The following ADARB2 variants were observed in gnomAD, a reference collection of about 807,000 sequenced individuals.
ADARB2 encodes inactive double-stranded RNA-specific editase B2.
Under a neutral mutation model 62.2 loss-of-function variants are expected in ADARB2, and 25 were observed. The observed-to-expected ratio is 0.40, with a 90% CI of 0.29 to 0.56. ADARB2 has a LOEUF of 0.56. Among genes scored for constraint, ADARB2 ranks in the 20% least tolerant of loss-of-function variants. ADARB2 has a pLI of 0.43. For synonymous variants in ADARB2, 572 were observed against 500.8 expected (o/e 1.14, Z -1.90); for missense variants, 1,071 against 1,077.4 (o/e 0.99, Z 0.08).
At position 1,216,296 on chromosome 10, in the gene ADARB2, G is replaced by A. The variant is rs569442645; in HGVS notation, c.1682+655C>T. The A allele has an allele frequency of 3.6e-4, 54 of 151,074 alleles. No homozygotes were observed. The East Asian group carries it at 9.2e-3, about 26-fold the overall frequency. 9.4% of individuals were successfully genotyped at this position (151,074 alleles called of 1,614,324 possible). On this transcript the variant is annotated intron_variant, in intron 7 of 9. Coordinates refer to ENST00000381312, the MANE Select transcript of ADARB2 (RefSeq NM_018702.4). The stretch of plus-strand genomic sequence containing the variant: ...CCAAGGTAGGGGGAGGTCTCAACGC[G>A]TCAGACCAAGGTTGGGGGAGGTCTT...
chr10:1,706,052 T>G (rs568233505), intron 1 of ADARB2, among the ~76,000 whole-genome samples: 71 of 152,356 alleles, frequency 4.7e-4, no homozygotes, highest in African/African-American at 1.7e-3. Flanking sequence ...AGCCATTAGC[T>G]GTGATTAGTG....
chr10:1,723,268 G>C (rs934425991), intron 1 of ADARB2, among the ~76,000 whole-genome samples: 2 of 152,188 alleles, frequency 1.3e-5, no homozygotes, highest in Non-Finnish European at 2.9e-5. Context: ...GCTCTACATT[G>C]CCCAGAGAAC....
chr10:1,213,968 C>T (rs1251945665), intron 7 of ADARB2, among the ~76,000 whole-genome samples: 1 of 136,774 alleles, frequency 7.3e-6, no homozygotes, highest in Non-Finnish European at 1.5e-5. Context: ...ACGTGTCCAG[C>T]ATCATGTAGG....
At chr10:1,570,302 CAT>C (rs1257669677) in intron 1 of ADARB2, among the ~76,000 whole-genome samples, 1 of 152,168 alleles carries the variant, frequency 6.6e-6, no homozygotes, top group African/African-American at 2.4e-5. Flanking sequence ...GTACTAAACA[CAT>C]GTGTTTGCTT....
At chr10:1,576,340 G>A (rs935809327) in intron 1 of ADARB2, among the ~76,000 whole-genome samples, 1 of 150,214 alleles carries the variant, frequency 6.7e-6, no homozygotes, top group Admixed American at 6.6e-5. Flanking sequence ...GTCACAGGAT[G>A]GGTCTCAGGG....
intron 8 of ADARB2, among the ~76,000 whole-genome samples, chr10:1,193,821 C>G (rs960129589): frequency 3.9e-5 from 6 of 152,140 alleles, no homozygotes; most frequent in African/African-American, 1.4e-4. Context: ...GATTTAGCTC[C>G]TTTGAAGTGA....
intron 8 of ADARB2, 53 bp from the exon 9 acceptor site, chr10:1,185,092 G>T: frequency 6.4e-7 from 1 of 1,569,292 alleles, no homozygotes; most frequent in South Asian, 1.2e-5. Context: ...CTCACACGGG[G>T]CTCCCCCAAG....
At chr10:1,629,447 C>A (rs1231332177) in intron 1 of ADARB2, among the ~76,000 whole-genome samples, 1 of 152,056 alleles carries the variant, frequency 6.6e-6, no homozygotes, top group Non-Finnish European at 1.5e-5. Context: ...GCTAAAGCCT[C>A]AGCGCTCAAG....
At position 1,630,472 on chromosome 10, in the gene ADARB2, C is replaced by G. The variant is rs76400329; in HGVS notation, c.100+106579G>C. Among the ~76,000 whole-genome samples the G allele has an allele frequency of 1.1e-3, 163 of 152,246 alleles. 2 individuals carry two copies. In the East Asian group the frequency reaches 0.024, roughly 23 times the overall value. On this transcript the variant is annotated intron_variant, in intron 1 of 9. Coordinates refer to ENST00000381312, the MANE Select transcript of ADARB2 (RefSeq NM_018702.4). ...CCCTGTGCCCTGGTTACAGTAAACTCTCTATCAGAAGCCACGAGTCATTTA... is the reference window on the plus strand; with the variant it reads ...CCCTGTGCCCTGGTTACAGTAAACTGTCTATCAGAAGCCACGAGTCATTTA...
intron 1 of ADARB2, among the ~76,000 whole-genome samples, chr10:1,545,404 T>C (rs906107806): frequency 3.3e-5 from 5 of 152,332 alleles, no homozygotes; most frequent in African/African-American, 1.2e-4. Context: ...CAGTAAACCA[T>C]AGATTCTCTG....
intron 2 of ADARB2, among the ~76,000 whole-genome samples, chr10:1,367,103 A>G (rs1832320271): frequency 6.6e-6 from 1 of 152,074 alleles, no homozygotes; most frequent in Non-Finnish European, 1.5e-5. Flanking sequence ...CATACATTTC[A>G]TAGGCACAAA....
rs143474213 is a variant in ADARB2 at position 1,444,439 on chromosome 10, C to T, written c.101-65279G>A. Among the ~76,000 whole-genome samples the T allele has an allele frequency of 2.5e-3, 384 of 151,404 alleles. 1 individual carries two copies. Among genetic ancestry groups the T allele is most frequent in the African/African-American group, 8.3e-3 (344 of 41,274 alleles). On this transcript the variant is annotated intron_variant, in intron 1 of 9. Coordinates refer to ENST00000381312, the MANE Select transcript of ADARB2 (RefSeq NM_018702.4). The stretch of plus-strand genomic sequence containing the variant: ...TCCTCTATCCATCCACCCACCCATC[C>T]ATCCATTGATCATCCATCTATCTAC...
intron 7 of ADARB2, among the ~76,000 whole-genome samples, chr10:1,213,280 GAGAGATAC>G (rs1347048892): frequency 1.3e-5 from 2 of 152,150 alleles, no homozygotes; most frequent in Non-Finnish European, 2.9e-5. Flanking sequence ...CAGACAGGGA[GAGAGATAC>G]AGAGAGACAG....
intron 1 of ADARB2, among the ~76,000 whole-genome samples, chr10:1,663,188 CAG>C (rs774748884): frequency 6.6e-6 from 1 of 152,240 alleles, no homozygotes; most frequent in African/African-American, 2.4e-5. Context: ...GCAGAAAGTA[CAG>C]AGACTTCCCA....
intron 1 of ADARB2, among the ~76,000 whole-genome samples, chr10:1,648,833 T>A (rs1229633072): frequency 6.6e-6 from 1 of 152,172 alleles, no homozygotes; most frequent in Non-Finnish European, 1.5e-5. Flanking sequence ...GGGTAGGCCA[T>A]GGAGTCAGCA....
chr10:1,480,146 C>A (rs1020538997), intron 1 of ADARB2, among the ~76,000 whole-genome samples: 1 of 151,972 alleles, frequency 6.6e-6, no homozygotes, highest in South Asian at 2.1e-4. Context: ...GAGAAAGATA[C>A]TTTACCACTT....
intron 2 of ADARB2, among the ~76,000 whole-genome samples, chr10:1,367,176 C>T (rs535213382): frequency 5.9e-5 from 9 of 152,314 alleles, no homozygotes; most frequent in East Asian, 5.8e-4. Context: ...GTTCTTCTCA[C>T]GTTGCGCGCT....
At chr10:1,646,756 A>AGG (rs1834048028) in intron 1 of ADARB2, among the ~76,000 whole-genome samples, 1 of 152,114 alleles carries the variant, frequency 6.6e-6, no homozygotes, top group African/African-American at 2.4e-5. Context: ...CACATGTGGG[A>AGG]GGGGGTGTGT....
intron 4 of ADARB2, among the ~76,000 whole-genome samples, chr10:1,262,808 G>C (rs894773394): frequency 6.6e-6 from 1 of 152,104 alleles, no homozygotes; most frequent in African/African-American, 2.4e-5. Context: ...TATAAATCAT[G>C]CTGCTGTAAA....
Sources: allele counts gnomAD v4.1 joint callset (sites outside exome capture counted in the v4.1 genomes callset), GRCh38; gene constraint gnomAD v4.1.1; transcripts MANE v1.5; gene names NCBI Gene and HGNC (gene_info 2026-07-23, HGNC 2026-07-21).